The following ERC1 variants were observed in gnomAD, a reference collection of about 807,000 sequenced individuals.
The protein encoded by ERC1 is ELKS/RAB6-interacting/CAST family member 1, also known as RAB6 interacting protein 2.
A neutral mutation model predicts 132.0 loss-of-function variants in ERC1; 56 were observed. The ratio of observed to expected loss-of-function variants is 0.42; its 90% CI spans 0.34 to 0.53. The LOEUF (loss-of-function observed/expected upper bound fraction) is 0.53. ERC1 is among the 20% of genes least tolerant of loss of function. The pLI is 0.03. For synonymous variants in ERC1, 478 were observed against 476.1 expected (o/e 1.00, Z -0.05); for missense variants, 1,202 against 1,349.9 (o/e 0.89, Z 1.72).
intron 1 of ERC1, among the ~76,000 whole-genome samples, chr12:1,005,903 C>A (rs935592029): frequency 6.6e-6 from 1 of 150,856 alleles, no homozygotes; most frequent in Non-Finnish European, 1.5e-5. Context: ...TATTAAAATT[C>A]TTATTATTAT....
At chr12:1,210,242 T>C (rs1594243327) in intron 12 of ERC1, among the ~76,000 whole-genome samples, 1 of 152,330 alleles carries the variant, frequency 6.6e-6, no homozygotes, top group African/African-American at 2.4e-5. Flanking sequence ...CTTTGAGGTC[T>C]CAGAATTTGA....
intron 16 of ERC1, among the ~76,000 whole-genome samples, chr12:1,374,824 ATTTTT>A (rs5795968): frequency 1.8e-4 from 23 of 124,546 alleles, no homozygotes; most frequent in African/African-American, 3.9e-4. Flanking sequence ...ACAGGCTGGG[ATTTTT>A]TTTTTTTTTT....
intron 17 of ERC1, among the ~76,000 whole-genome samples, chr12:1,424,852 A>ACATAGATC (rs2092572254): frequency 1.6e-5 from 2 of 122,872 alleles, no homozygotes; most frequent in African/African-American, 3.9e-5. Context: ...GATGATAGAT[A>ACATAGATC]GATAGATAGA....
intron 1 of ERC1, among the ~76,000 whole-genome samples, chr12:1,018,495 G>A (rs959798308): frequency 4.6e-5 from 7 of 152,320 alleles, no homozygotes; most frequent in Middle Eastern, 3.4e-3. Flanking sequence ...GGTTACAGGC[G>A]TGAGCCACCA....
intron 5 of ERC1, among the ~76,000 whole-genome samples, 162 bp from the exon 6 acceptor site, chr12:1,112,052 AC>A (rs1945936107): frequency 1.6e-4 from 1 of 6,248 alleles, no homozygotes; most frequent in South Asian, 0.12. Flanking sequence ...AAACCTGTGA[AC>A]TTAGAAACTA....
intron 18 of ERC1, among the ~76,000 whole-genome samples, chr12:1,483,196 G>T (rs1474208705): frequency 1.3e-5 from 2 of 152,178 alleles, no homozygotes; most frequent in Admixed American, 6.5e-5. Context: ...TACTTGGGAG[G>T]CTAAGGCAGG....
chr12:1,481,265 A>C (rs1164347709), intron 18 of ERC1, among the ~76,000 whole-genome samples: 1 of 152,250 alleles, frequency 6.6e-6, no homozygotes, highest in Non-Finnish European at 1.5e-5. Context: ...TGAATAATCC[A>C]TTTCAGGTTG....
At chr12:1,347,105 G>T (rs114523384) in intron 15 of ERC1, among the ~76,000 whole-genome samples, 1,837 of 152,276 alleles carry the variant, frequency 0.012, 36 homozygotes, top group African/African-American at 0.042. Context: ...TTTGTCGAGA[G>T]TCACTCCTGG....
intron 2 of ERC1, among the ~76,000 whole-genome samples, chr12:1,040,324 CTTTT>C (rs956609769): frequency 4.3e-5 from 6 of 138,088 alleles, no homozygotes; most frequent in Non-Finnish European, 6.3e-5. Context: ...TTTCTTTTTT[CTTTT>C]TTTTTTTTTT....
chr12:1,073,699 C>T (rs1238661495), intron 2 of ERC1, among the ~76,000 whole-genome samples: 1 of 152,144 alleles, frequency 6.6e-6, no homozygotes, highest in Non-Finnish European at 1.5e-5. Flanking sequence ...AAACCCGTAA[C>T]ATAGTCATTT....
intron 2 of ERC1, among the ~76,000 whole-genome samples, chr12:1,048,825 C>A (rs1403366978): frequency 6.6e-6 from 1 of 152,142 alleles, no homozygotes; most frequent in South Asian, 2.1e-4. Context: ...CGAAAGGGAT[C>A]TGTATCACAG....
intron 1 of ERC1, chr12:991,685 G>A (rs980946446): frequency 6.6e-6 from 1 of 152,166 alleles, no homozygotes; most frequent in Non-Finnish European, 1.5e-5. Context: ...CACTTGGGGA[G>A]CGGAGGGGGG....
At chr12:1,440,065 T>TA (rs2093060042) in intron 17 of ERC1, among the ~76,000 whole-genome samples, 1 of 152,238 alleles carries the variant, frequency 6.6e-6, no homozygotes, top group African/African-American at 2.4e-5. Context: ...GGTATTTTGA[T>TA]ACCTCTATAC....
At chr12:1,417,466 T>G (rs868771013) in intron 17 of ERC1, among the ~76,000 whole-genome samples, 16 of 151,826 alleles carry the variant, frequency 1.1e-4, no homozygotes, top group Middle Eastern at 3.2e-3. Flanking sequence ...CCAAGCAACT[T>G]GAACCTATGT....
At chr12:1,093,054 G>T (rs1236208320) in intron 3 of ERC1, among the ~76,000 whole-genome samples, 1 of 152,198 alleles carries the variant, frequency 6.6e-6, no homozygotes, top group South Asian at 2.1e-4. Flanking sequence ...TACAACAGTG[G>T]TGTGTCTTAT....
In ERC1 at chr12:1,490,157, T is replaced by C. The variant is rs2094304347; in HGVS notation, c.3278T>C (p.Ile1093Thr). ...GAACTGCAGGAGTTTGCCAACGCCA[T>C]TCTTCAGCAGATAGCAGACCATTGT... is the stretch of plus-strand genomic sequence containing the variant. ...NAELQEFANA[I>T]LQQIADHCPD... Residue 1093 changes from isoleucine to threonine, a missense_variant, in exon 19 of 19, where the codon ATT becomes ACT. Transcript: ENST00000360905. The C allele has an allele frequency of 1.9e-6, 3 of 1,614,178 alleles. No homozygotes were observed. Among genetic ancestry groups the C allele is most frequent in the Non-Finnish European group, 1.7e-6 (2 of 1,180,024 alleles).
intron 17 of ERC1, among the ~76,000 whole-genome samples, chr12:1,420,472 T>TA: frequency 6.6e-6 from 1 of 152,088 alleles, no homozygotes; most frequent in Non-Finnish European, 1.5e-5. Flanking sequence ...TTTATTTATT[T>TA]TGAGACGGAG....
chr12:1,330,476 C>G (rs12304504), intron 15 of ERC1, among the ~76,000 whole-genome samples: 21,474 of 152,086 alleles, frequency 0.14, 2,815 homozygotes, highest in African/African-American at 0.35. Context: ...TATGAATCCT[C>G]TTCGTTACCT....
At chr12:1,400,914 GTAT>G (rs1360966932) in intron 16 of ERC1, among the ~76,000 whole-genome samples, 32 of 11,090 alleles carry the variant, frequency 2.9e-3, no homozygotes, top group East Asian at 7.4e-3. Context: ...GGCTATTTTT[GTAT>G]TTTTTTTTTT....
Sources: allele counts gnomAD v4.1 joint callset (sites outside exome capture counted in the v4.1 genomes callset), GRCh38; gene constraint gnomAD v4.1.1; transcripts MANE v1.5; gene names NCBI Gene and HGNC (gene_info 2026-07-23, HGNC 2026-07-21).